Variants in IGF2R observed in about 807,000 individuals in gnomAD.
The protein encoded by IGF2R is cation-independent mannose-6-phosphate receptor.
Under a neutral mutation model 270.6 loss-of-function variants are expected in IGF2R, and 91 were observed. The observed-to-expected ratio is 0.34, with a 90% CI of 0.28 to 0.40. The LOEUF (loss-of-function observed/expected upper bound fraction) is 0.40, where lower values mean the gene tolerates loss of function less well. Among genes scored for constraint, IGF2R ranks in the 10% least tolerant of loss-of-function variants. The probability of loss-of-function intolerance (pLI) is 1.00; values close to 1 mark genes in which losing one functional copy is unlikely to be tolerated. For missense variants in IGF2R, 2,805 were observed against 3,188.3 expected (o/e 0.88, Z 2.90); for synonymous variants, 1,316 against 1,258.9 (o/e 1.05, Z -0.96).
intron 4 of IGF2R, among the ~76,000 whole-genome samples, chr6:160,015,940 C>T (rs1777280654): frequency 6.6e-6 from 1 of 152,200 alleles, no homozygotes; most frequent in African/African-American, 2.4e-5. Context: ...GCTCCCACTT[C>T]ACCTTCTGCC....
chr6:159,988,001 A>C (rs1456440995), intron 1 of IGF2R, among the ~76,000 whole-genome samples: 1 of 152,252 alleles, frequency 6.6e-6, no homozygotes, highest in Non-Finnish European at 1.5e-5. Flanking sequence ...ATAACCACTT[A>C]CATTTGATAA....
chr6:160,069,405 C>G (rs1234647182), intron 30 of IGF2R, among the ~76,000 whole-genome samples: 1 of 152,092 alleles, frequency 6.6e-6, no homozygotes, highest in African/African-American at 2.4e-5. Context: ...GTGCAGACTT[C>G]GACAGTGGCT....
intron 45 of IGF2R, among the ~76,000 whole-genome samples, chr6:160,100,716 C>A: frequency 1.1e-5 from 1 of 94,714 alleles, no homozygotes; most frequent in Non-Finnish European, 2.1e-5. Context: ...GGCAAGTCAG[C>A]AATTTCCCTT....
chr6:160,041,151 GC>G (rs1438366535), intron 11 of IGF2R, among the ~76,000 whole-genome samples: 1 of 152,084 alleles, frequency 6.6e-6, no homozygotes, highest in Non-Finnish European at 1.5e-5. Context: ...AGGCAGCAGC[GC>G]CCCCCACAGC....
intron 2 of IGF2R, among the ~76,000 whole-genome samples, chr6:159,992,387 C>T (rs192330596): frequency 1.3e-5 from 2 of 152,276 alleles, no homozygotes; most frequent in African/African-American, 4.8e-5. Flanking sequence ...CTTTCTGAGT[C>T]TCCAGTGTCT....
chr6:160,062,331 G>A (rs996423932), intron 25 of IGF2R, among the ~76,000 whole-genome samples: 19 of 151,852 alleles, frequency 1.3e-4, no homozygotes, highest in African/African-American at 3.9e-4. Flanking sequence ...CTGCCACCAC[G>A]CCCAGCTAAC....
In IGF2R at chr6:160,103,833, G is replaced by A; in HGVS notation, c.7065+18G>A. The A allele has an allele frequency of 6.4e-7, 1 of 1,564,722 alleles. No individual in the cohort carries two copies. Among genetic ancestry groups the A allele is most frequent in the South Asian group, 1.1e-5 (1 of 90,058 alleles). ...ACTCAAAGGTAATTTTCTGTGGCGA[G>A]TCTCTTGAAGGCCTGCCTCCCCGGC... On this transcript the variant is annotated intron_variant, in intron 47 of 47. Coordinates refer to ENST00000356956, the MANE Select transcript of IGF2R (RefSeq NM_000876.4).
At chr6:160,091,752 T>C (rs1779231943) in intron 44 of IGF2R, among the ~76,000 whole-genome samples, 1 of 152,222 alleles carries the variant, frequency 6.6e-6, no homozygotes, top group Admixed American at 6.5e-5. Flanking sequence ...TTCCCAGTGC[T>C]CGGTAAATCT....
In IGF2R at chr6:160,004,052, A is replaced by G. The variant is rs1238415006; in HGVS notation, c.290-4958A>G. The G allele has an allele frequency of 1.3e-5, 2 of 152,194 alleles. No individual in the cohort carries two copies. The highest frequency in any genetic ancestry group is 2.9e-5 in the Non-Finnish European group (2 of 68,044). 9.4% of individuals were successfully genotyped at this position (152,194 alleles called of 1,614,324 possible). On this transcript the variant is annotated intron_variant, in intron 2 of 47. Transcript: ENST00000356956. The surrounding 1 kb of genome is among the most constrained non-coding windows in gnomAD (Gnocchi z 5.2). ...TCTTTTAAAAAGAGTATCCATATAA[A>G]TAGAGAAGCTGGAGGTTAAAAAATT... is the stretch of plus-strand genomic sequence containing the variant.
chr6:160,045,854 G>T lies in IGF2R; in HGVS notation c.1875G>T (p.Glu625Asp). The T allele has an allele frequency of 6.3e-7, 1 of 1,595,412 alleles. No individual in the cohort carries two copies. The highest frequency in any genetic ancestry group is 1.1e-5 in the South Asian group (1 of 88,352). The change falls in exon 14 of 48, where the codon GAG (glutamate) becomes GAT (aspartate). Residue 625 changes from glutamate (E) to aspartate (D), a missense_variant. Glu to Asp is a conservative substitution (Grantham distance 45). Around this residue, in one of 2 missense-constraint regions of IGF2R, gnomAD observed 954 missense variants for 981.1 expected, o/e 0.97. Transcript: ENST00000356956. ...AACVLSKTEGENCTVFDSQAG... is the reference protein window; with the variant it reads ...AACVLSKTEGDNCTVFDSQAG... ...GTGTGCTGTCTAAGACAGAAGGGGA[G>T]AACTGCACGGTCTTTGACTCCCAGG...
chr6:160,074,102 T>C (rs1778806028), intron 35 of IGF2R, 127 bp downstream of exon 35: 2 of 678,798 alleles, frequency 2.9e-6, no homozygotes, highest in African/African-American at 1.8e-5. Context: ...TAAGTGGGAC[T>C]GTGTATGTTC....
intron 37 of IGF2R, 82 bp downstream of exon 37, chr6:160,078,444 A>G: frequency 7.4e-7 from 1 of 1,346,524 alleles, no homozygotes; most frequent in East Asian, 2.3e-5. Flanking sequence ...GTTTTGGATA[A>G]TGTGGTACCT....
intron 15 of IGF2R, 131 bp downstream of exon 15, chr6:160,046,776 C>G (rs1778077554): frequency 1.0e-6 from 1 of 983,936 alleles, no homozygotes; most frequent in Middle Eastern, 3.0e-4. Flanking sequence ...GAGACCTGGT[C>G]TGAAAACTGA....
At chr6:160,038,173 G>T (rs13218689) in intron 10 of IGF2R, among the ~76,000 whole-genome samples, 16,424 of 152,186 alleles carry the variant, frequency 0.11, 1,027 homozygotes, top group East Asian at 0.22. Context: ...GTGTGCTGGA[G>T]AATAAACTAG....
At chr6:159,980,614 G>A (rs2115173222) in intron 1 of IGF2R, among the ~76,000 whole-genome samples, 1 of 152,328 alleles carries the variant, frequency 6.6e-6, no homozygotes, top group African/African-American at 2.4e-5. Context: ...GCCTTTGTGA[G>A]GAACCACCAC....
chr6:160,058,227 T>G, intron 21 of IGF2R, 103 bp downstream of exon 21: 1 of 756,492 alleles, frequency 1.3e-6, no homozygotes, highest in Non-Finnish European at 2.4e-6. Context: ...CCCAGGCCAC[T>G]GTGGTGGCAG....
intron 29 of IGF2R, among the ~76,000 whole-genome samples, chr6:160,065,873 C>G (rs898420761): frequency 1.4e-5 from 2 of 140,780 alleles, no homozygotes; most frequent in Non-Finnish European, 3.0e-5. Context: ...GAATCTCGCT[C>G]TGTCACCCAG....
In IGF2R at chr6:160,010,998, G is replaced by C. The variant is rs530365756; in HGVS notation, c.513+213G>C. On this transcript the variant is annotated intron_variant, in intron 4 of 47. Coordinates refer to ENST00000356956, the MANE Select transcript of IGF2R (RefSeq NM_000876.4). ...TAAAATATCACAGGATGTGATTTTT[G>C]GTCCAGATTGGAAATAGAATGGCTC... Among the ~76,000 whole-genome samples, 8 of 152,218 alleles carry C rather than the reference G, an allele frequency of 5.3e-5. No individual in the cohort carries two copies. The East Asian group carries it at 9.7e-4, about 18-fold the overall frequency.
chr6:160,028,475 T>C (rs1051122183), intron 6 of IGF2R, among the ~76,000 whole-genome samples: 5 of 152,264 alleles, frequency 3.3e-5, no homozygotes, highest in Admixed American at 1.3e-4. Flanking sequence ...TTGGTAATTC[T>C]TAATATGAAT....
Sources: gnomAD v4.1 joint callset for allele counts (sites outside exome capture counted in the v4.1 genomes callset) on GRCh38, gnomAD v4.1.1 for gene constraint, gnomAD v4.1.1 regional missense constraint, Gnocchi (gnomAD v3.1) non-coding constraint, MANE v1.5 for transcripts, NCBI Gene and HGNC (gene_info 2026-07-23, HGNC 2026-07-21) for gene names.